Variants in GRID1 observed in about 807,000 individuals in gnomAD.
GRID1 encodes glutamate ionotropic receptor delta type subunit 1.
GRID1 carries 28 observed loss-of-function variants against 98.0 expected under a neutral mutation model. That is an observed-to-expected ratio of 0.29 (90% CI 0.21 to 0.39). The LOEUF is 0.39. Among genes scored for constraint, GRID1 ranks in the 10% least tolerant of loss-of-function variants. The pLI is 1.00. For missense variants in GRID1, 1,111 were observed against 1,340.5 expected, an observed-to-expected ratio of 0.83 and a Z score of 2.67; for synonymous variants, 553 against 538.5, an observed-to-expected ratio of 1.03 and a Z score of -0.37.
chr10:85,689,613 A>G (rs1841310616), intron 12 of GRID1, among the ~76,000 whole-genome samples: 2 of 152,180 alleles, frequency 1.3e-5, no homozygotes, highest in Admixed American at 1.3e-4. Flanking sequence ...CAAAAACCAA[A>G]AGATAGCATG....
intron 8 of GRID1, among the ~76,000 whole-genome samples, chr10:85,820,910 G>A (rs1222155788): frequency 1.3e-5 from 2 of 152,044 alleles, no homozygotes; most frequent in Non-Finnish European, 2.9e-5. Flanking sequence ...CTGCCTTTTT[G>A]ATATTCATTC....
At position 86,265,998 on chromosome 10, in the gene GRID1, G is replaced by T. The variant is rs186433366; in HGVS notation, c.236-59350C>A. ...CCCTTCAGCCCTCTGAGATCCAGGGGTCTCTCTGCCCAGTGACCCCTCTCA... is the reference window on the plus strand; with the variant it reads ...CCCTTCAGCCCTCTGAGATCCAGGGTTCTCTCTGCCCAGTGACCCCTCTCA... On this transcript the variant is annotated intron_variant, in intron 2 of 15. Transcript: ENST00000327946. 1.9e-3 allele frequency among the ~76,000 whole-genome samples: 295 copies of T among 152,128 alleles called. 1 individual carries two copies. Among genetic ancestry groups the T allele is most frequent in the African/African-American group, 6.9e-3 (286 of 41,474 alleles).
intron 2 of GRID1, among the ~76,000 whole-genome samples, chr10:86,233,111 G>A (rs1463808717): frequency 6.6e-6 from 1 of 152,050 alleles, no homozygotes; most frequent in Non-Finnish European, 1.5e-5. Flanking sequence ...GAGGCTGGGG[G>A]ACAGGATGTG....
At chr10:85,720,699 C>T (rs1482913365) in intron 12 of GRID1, among the ~76,000 whole-genome samples, 1 of 149,974 alleles carries the variant, frequency 6.7e-6, no homozygotes, top group African/African-American at 2.4e-5. Flanking sequence ...AACTCTCAAC[C>T]TAAACCTCAA....
intron 8 of GRID1, among the ~76,000 whole-genome samples, chr10:85,780,550 T>C (rs116932283): frequency 6.6e-6 from 1 of 152,218 alleles, no homozygotes; most frequent in Non-Finnish European, 1.5e-5. Context: ...ATGTGGATGA[T>C]AATCCCTCCT....
intron 4 of GRID1, among the ~76,000 whole-genome samples, chr10:86,012,360 G>T (rs1402235416): frequency 1.3e-5 from 1 of 76,076 alleles, no homozygotes; most frequent in Non-Finnish European, 2.7e-5. Flanking sequence ...AACACCAGGA[G>T]TAAAGTACCT....
intron 4 of GRID1, among the ~76,000 whole-genome samples, chr10:86,056,711 G>A (rs1843577444): frequency 6.6e-6 from 1 of 152,224 alleles, no homozygotes; most frequent in South Asian, 2.1e-4. Flanking sequence ...GAGCCCCCAG[G>A]TCACACGCAC....
intron 6 of GRID1, among the ~76,000 whole-genome samples, chr10:85,860,987 T>A (rs1452985665): frequency 3.3e-5 from 5 of 152,154 alleles, no homozygotes; most frequent in African/African-American, 1.2e-4. Context: ...TTTGCATGCA[T>A]CTTCATCTTT....
intron 2 of GRID1, among the ~76,000 whole-genome samples, chr10:86,337,854 C>A (rs1217008026): frequency 2.6e-5 from 4 of 151,758 alleles, no homozygotes; most frequent in African/African-American, 9.7e-5. Flanking sequence ...ATTACAGGCG[C>A]CCGCCACCAC....
At chr10:86,076,710 G>A (rs1403711539) in intron 4 of GRID1, among the ~76,000 whole-genome samples, 2 of 152,152 alleles carry the variant, frequency 1.3e-5, no homozygotes, top group African/African-American at 2.4e-5. Flanking sequence ...CTGATTAGGT[G>A]AGGCCCACCC....
intron 2 of GRID1, among the ~76,000 whole-genome samples, chr10:86,279,081 A>G (rs2132066611): frequency 6.6e-6 from 1 of 152,344 alleles, no homozygotes; most frequent in South Asian, 2.1e-4. Context: ...CTTTGGAAGG[A>G]AATTGGGTCA....
chr10:86,222,779 C>G lies in GRID1; in HGVS notation c.236-16131G>C, dbSNP rs1351940188. Among the ~76,000 whole-genome samples, 2 of 152,164 alleles carry G rather than the reference C, an allele frequency of 1.3e-5. 1 individual carries two copies. Among genetic ancestry groups the G allele is most frequent in the South Asian group, 4.1e-4 (2 of 4,826 alleles). On this transcript the variant is annotated intron_variant, in intron 2 of 15. Transcript: ENST00000327946. ...TGGAGTGGACACAAGTCACAGAGCC[C>G]GAGCACTTCCCTGGAGCCCAGCTGA...
In GRID1 at chr10:86,206,503, T is replaced by C. The variant is rs1043936807; in HGVS notation, c.381A>G (p.Ala127=). The change falls in exon 3 of 16, where the codon GCA becomes GCG. Residue 127 remains alanine, a synonymous_variant. Transcript: ENST00000327946. The surrounding 1 kb of genome is among the most constrained non-coding windows in gnomAD (Gnocchi z 4.1). ...QRNPGGSPRT[A]CHLNPSPDGE... ...CATCGGGGCTGGGGTTCAGGTGGCA[T>C]GCGGTGCGTGGCGACCCTCCCGGGT... 1.2e-6 allele frequency: 2 copies of C among 1,614,106 alleles called. No homozygotes were observed. The highest frequency in any genetic ancestry group is 1.7e-5 in the Admixed American group (1 of 60,014).
At chr10:85,713,000 A>C (rs528759935) in intron 12 of GRID1, among the ~76,000 whole-genome samples, 1 of 151,822 alleles carries the variant, frequency 6.6e-6, no homozygotes, top group South Asian at 2.1e-4. Flanking sequence ...TTATATCTCA[A>C]GGAACTACAA....
rs973699648 is a variant in GRID1 at position 85,855,977 on chromosome 10, T to G, written c.1113+52A>C. 1.8e-5 allele frequency: 28 copies of G among 1,542,462 alleles called. 1 individual carries two copies. The South Asian group carries it at 1.8e-4, about 10-fold the overall frequency. ...CTACTAGAGGGGAACACAGTGGAGG[T>G]ATAAGAAGGGGCCTGTCTTTGGCCA... On this transcript the variant is annotated intron_variant, in intron 7 of 15. Transcript: ENST00000327946.
At chr10:86,287,741 A>G (rs1847453129) in intron 2 of GRID1, among the ~76,000 whole-genome samples, 1 of 151,502 alleles carries the variant, frequency 6.6e-6, no homozygotes, top group Non-Finnish European at 1.5e-5. Flanking sequence ...CACTTTAAAA[A>G]GTTTCACAGT....
chr10:85,801,720 C>A (rs1486614906), intron 8 of GRID1, among the ~76,000 whole-genome samples: 1 of 151,570 alleles, frequency 6.6e-6, no homozygotes, highest in African/African-American at 2.4e-5. Context: ...TGTAAAGCAA[C>A]TGCTTTAAAA....
intron 5 of GRID1, among the ~76,000 whole-genome samples, chr10:85,870,467 C>T (rs1843267689): frequency 6.6e-6 from 1 of 152,246 alleles, no homozygotes; most frequent in African/African-American, 2.4e-5. Context: ...TGAGCCAATA[C>T]TCCTTAATAA....
chr10:85,688,372 G>T (rs1841292735), intron 12 of GRID1, among the ~76,000 whole-genome samples: 1 of 152,170 alleles, frequency 6.6e-6, no homozygotes, highest in South Asian at 2.1e-4. Flanking sequence ...GGTATTGGGT[G>T]AATTTTTTAA....
Sources: allele counts gnomAD v4.1 joint callset (sites outside exome capture counted in the v4.1 genomes callset), GRCh38; gene constraint gnomAD v4.1.1; non-coding constraint Gnocchi (gnomAD v3.1); transcripts MANE v1.5; gene names NCBI Gene and HGNC (gene_info 2026-07-23, HGNC 2026-07-21).